Variants in KCNIP4 observed in about 807,000 individuals in gnomAD.
KCNIP4 encodes potassium voltage-gated channel interacting protein 4.
KCNIP4 carries 12 observed loss-of-function variants against 34.0 expected under a neutral mutation model. The observed-to-expected ratio is 0.35, with a 90% CI of 0.23 to 0.57. The LOEUF is 0.57. KCNIP4 is among the 20% of genes least tolerant of loss of function. KCNIP4 has a pLI of 0.83. For missense variants in KCNIP4, 238 were observed against 311.7 expected, an observed-to-expected ratio of 0.76 and a Z score of 1.78; for synonymous variants, 124 against 102.2, an observed-to-expected ratio of 1.21 and a Z score of -1.29.
At chr4:21,528,621 C>T (rs916995591) in intron 1 of KCNIP4, among the ~76,000 whole-genome samples, 4 of 149,458 alleles carry the variant, frequency 2.7e-5, no homozygotes, top group Admixed American at 1.3e-4. Context: ...GAGCCAAGAA[C>T]GCGTCACTGA....
Position 21,948,529 on chromosome 4 carries a change from G to A in KCNIP4, c.61+42C>T, listed in dbSNP as rs369150791. The A allele has an allele frequency of 2.4e-4, 376 of 1,590,888 alleles. 1 individual carries two copies. In the African/African-American group the frequency reaches 4.6e-3, roughly 20 times the overall value. ...GCCGTCTTGGCTCGCGAGGGAAGGA[G>A]GGCGGAAGCGGGCGCCCGCTCGCAA... is the stretch of plus-strand genomic sequence containing the variant. On this transcript the variant is annotated intron_variant, in intron 1 of 8. Transcript: ENST00000382152.
At chr4:21,758,173 G>C (rs182381287) in intron 1 of KCNIP4, among the ~76,000 whole-genome samples, 1 of 152,246 alleles carries the variant, frequency 6.6e-6, no homozygotes, top group Admixed American at 6.5e-5. Context: ...AAGTTTTGGG[G>C]TGCAATTTGT....
At chr4:21,033,745 T>C (rs1174087861) in intron 1 of KCNIP4, among the ~76,000 whole-genome samples, 2 of 152,196 alleles carry the variant, frequency 1.3e-5, no homozygotes, top group Admixed American at 6.5e-5. Flanking sequence ...AAGAAGAATT[T>C]TGAAGCAACT....
At chr4:21,357,021 C>T (rs755199559) in intron 1 of KCNIP4, among the ~76,000 whole-genome samples, 13 of 152,134 alleles carry the variant, frequency 8.5e-5, no homozygotes, top group Non-Finnish European at 1.5e-4. Flanking sequence ...CACACATCTA[C>T]AATCTATGAT....
At chr4:20,988,274 ACT>A (rs1736776059) in intron 1 of KCNIP4, among the ~76,000 whole-genome samples, 1 of 152,072 alleles carries the variant, frequency 6.6e-6, no homozygotes, top group Non-Finnish European at 1.5e-5. Context: ...TGGTTGAGAG[ACT>A]CTGAAAGGAA....
At chr4:21,119,303 G>A (rs1447774655) in intron 1 of KCNIP4, among the ~76,000 whole-genome samples, 2 of 151,836 alleles carry the variant, frequency 1.3e-5, no homozygotes, top group African/African-American at 4.8e-5. Context: ...TTGAAATTAA[G>A]CACATAAGTT....
intron 1 of KCNIP4, among the ~76,000 whole-genome samples, chr4:21,695,819 TATTTCTCTA>T (rs1712249955): frequency 6.6e-6 from 1 of 152,120 alleles, no homozygotes; most frequent in Non-Finnish European, 1.5e-5. Flanking sequence ...TTTTATAAAA[TATTTCTCTA>T]ATTTCATAGC....
intron 1 of KCNIP4, among the ~76,000 whole-genome samples, chr4:21,360,127 AAGAG>A (rs1719063246): frequency 6.6e-6 from 1 of 152,116 alleles, no homozygotes; most frequent in African/African-American, 2.4e-5. Flanking sequence ...ATTTAGAATT[AAGAG>A]ATATCTAATC....
chr4:21,388,076 G>T (rs1722196246), intron 1 of KCNIP4, among the ~76,000 whole-genome samples: 1 of 57,026 alleles, frequency 1.8e-5, no homozygotes, highest in Non-Finnish European at 4.4e-5. Context: ...CTTTGAGCCT[G>T]AGAATAGGCT....
intron 1 of KCNIP4, among the ~76,000 whole-genome samples, chr4:21,532,587 G>T (rs914659864): frequency 6.6e-6 from 1 of 152,124 alleles, no homozygotes; most frequent in Admixed American, 6.6e-5. Context: ...TCACAAGTCA[G>T]TAGATACTTT....
chr4:21,403,064 C>A (rs1389718074), intron 1 of KCNIP4, among the ~76,000 whole-genome samples: 1 of 152,160 alleles, frequency 6.6e-6, no homozygotes, highest in African/African-American at 2.4e-5. Context: ...TAGCACTTAT[C>A]TTATTGAACT....
intron 1 of KCNIP4, among the ~76,000 whole-genome samples, chr4:20,943,263 T>G (rs1037180008): frequency 6.6e-6 from 1 of 152,168 alleles, no homozygotes; most frequent in Non-Finnish European, 1.5e-5. Flanking sequence ...GCTGCCAGGA[T>G]AGTGGTTTGT....
chr4:21,556,365 T>C (rs1271637890), intron 1 of KCNIP4, among the ~76,000 whole-genome samples: 1 of 152,164 alleles, frequency 6.6e-6, no homozygotes, highest in Non-Finnish European at 1.5e-5. Context: ...AGGAGTTAAA[T>C]GACTTGCCCC....
At chr4:20,989,690 C>T (rs911163268) in intron 1 of KCNIP4, among the ~76,000 whole-genome samples, 1 of 152,110 alleles carries the variant, frequency 6.6e-6, no homozygotes. Flanking sequence ...CAGCATTGGC[C>T]AGGCACTGTG....
Position 20,730,114 on chromosome 4 carries a change from G to C in KCNIP4, c.721C>G (p.Arg241Gly). ...ACATTTTCAAAGAGCTGCATGGAGC[G>C]CATTATGTTTTCATCCTGTAAGGGA... is the stretch of plus-strand genomic sequence containing the variant. ...ESCQKDENIMRSMQLFENVI is the reference protein window; with the variant it reads ...ESCQKDENIMGSMQLFENVI The change falls in exon 9 of 9, where the codon CGC becomes GGC. Residue 241 changes from arginine (R) to glycine (G), a missense_variant. Coordinates refer to ENST00000382152, the MANE Select transcript of KCNIP4 (RefSeq NM_025221.6). The C allele has an allele frequency of 1.2e-6, 2 of 1,607,830 alleles. No individual in the cohort carries two copies. The highest frequency in any genetic ancestry group is 1.7e-6 in the Non-Finnish European group (2 of 1,177,774).
intron 1 of KCNIP4, among the ~76,000 whole-genome samples, chr4:21,935,548 T>C (rs115197039): frequency 0.01 from 1,577 of 152,098 alleles, 26 homozygotes; most frequent in African/African-American, 0.035. Flanking sequence ...AGAGTGCAGC[T>C]CTTCCACAGA....
At chr4:21,605,544 G>C (rs2109131585) in intron 1 of KCNIP4, among the ~76,000 whole-genome samples, 1 of 152,082 alleles carries the variant, frequency 6.6e-6, no homozygotes, top group African/African-American at 2.4e-5. Flanking sequence ...GCAGTGGCGT[G>C]ATCTCGGCTC....
chr4:20,963,498 A>G lies in KCNIP4; in HGVS notation c.62-80789T>C, dbSNP rs530475029. Among the ~76,000 whole-genome samples, 6 of 152,266 alleles carry G rather than the reference A, an allele frequency of 3.9e-5. No individual in the cohort carries two copies. The East Asian group carries it at 1.2e-3, about 29-fold the overall frequency. ...CTATATGTATTTCTTCAAGTTAAAT[A>G]ACAATGATTTATTAATGAACTCCTA... On this transcript the variant is annotated intron_variant, in intron 1 of 8. Transcript: ENST00000382152.
intron 1 of KCNIP4, among the ~76,000 whole-genome samples, chr4:21,724,592 A>C (rs990682185): frequency 3.3e-5 from 5 of 150,232 alleles, no homozygotes; most frequent in African/African-American, 7.4e-5. Context: ...TAACCTCTTC[A>C]GTATCTTTAA....
Sources: gnomAD v4.1 joint callset for allele counts (sites outside exome capture counted in the v4.1 genomes callset) on GRCh38, gnomAD v4.1.1 for gene constraint, MANE v1.5 for transcripts, NCBI Gene and HGNC (gene_info 2026-07-23, HGNC 2026-07-21) for gene names.